KCNB2: variants seen among roughly 807,000 people sequenced by gnomAD.
The protein encoded by KCNB2 is potassium voltage-gated channel subfamily B member 2.
In KCNB2, 15 loss-of-function variants were observed where a neutral mutation model predicts 61.5. That is an observed-to-expected ratio of 0.24 (90% confidence interval 0.16 to 0.38). The LOEUF (loss-of-function observed/expected upper bound fraction) is 0.38, where lower values mean the gene tolerates loss of function less well. Ranked by LOEUF, KCNB2 falls within the 10% of genes least tolerant of loss-of-function variation. The probability of loss-of-function intolerance (pLI) is 1.00; values close to 1 mark genes in which losing one functional copy is unlikely to be tolerated. For synonymous variants in KCNB2, 457 were observed against 446.0 expected, an observed-to-expected ratio of 1.02 and a Z score of -0.31; for missense variants, 828 against 1,125.2, an observed-to-expected ratio of 0.74 and a Z score of 3.78.
intron 2 of KCNB2, among the ~76,000 whole-genome samples, chr8:72,826,937 A>G (rs1015318472): frequency 1.3e-5 from 2 of 152,196 alleles, no homozygotes; most frequent in African/African-American, 4.8e-5. Flanking sequence ...TTTTGCTTCT[A>G]AGTTTTCTGC....
In KCNB2 at chr8:72,551,492, A is replaced by C. The variant is rs547654003; in HGVS notation, c.-94+13607A>C. Among the ~76,000 whole-genome samples, 6 of 152,210 alleles carry C rather than the reference A, an allele frequency of 3.9e-5. No individual in the cohort carries two copies. In the South Asian group the frequency reaches 1.2e-3, roughly 32 times the overall value. On this transcript the variant is annotated intron_variant, in intron 1 of 2. Coordinates refer to ENST00000523207, the MANE Select transcript of KCNB2 (RefSeq NM_004770.3). ...ACAATTTCTGGCTTTATTTTAGTTCATCTGAAGTGCCCTGGGCTTTCTTGC... is the reference window on the plus strand; with the variant it reads ...ACAATTTCTGGCTTTATTTTAGTTCCTCTGAAGTGCCCTGGGCTTTCTTGC...
At chr8:72,684,892 T>C (rs764978260) in intron 2 of KCNB2, among the ~76,000 whole-genome samples, 83 of 152,338 alleles carry the variant, frequency 5.4e-4, no homozygotes, top group Non-Finnish European at 1.1e-3. Context: ...GTGTCAATTT[T>C]ATTGTGCTTC....
chr8:72,874,434 C>G (rs6983853), intron 2 of KCNB2, among the ~76,000 whole-genome samples: 4,087 of 152,190 alleles, frequency 0.027, 166 homozygotes, highest in African/African-American at 0.088. Flanking sequence ...TCTGGACAGT[C>G]AGTGAGTCTG....
At position 72,937,522 on chromosome 8, in the gene KCNB2, A is replaced by G; in HGVS notation, c.2167A>G (p.Arg723Gly). 1 of 1,613,938 alleles carries G rather than the reference A, an allele frequency of 6.2e-7. No homozygotes were observed. Among genetic ancestry groups the G allele is most frequent in the African/African-American group, 1.3e-5 (1 of 75,000 alleles). ...CCTCAAAGTGAACTTTAAGGAAAAT[A>G]GAGGCAGTGCACCACAGACCCCGCC... ...RSLKVNFKEN[R>G]GSAPQTPPST... The change falls in exon 3 of 3, where the codon AGA (arginine) becomes GGA (glycine). Residue 723 changes from arginine (R) to glycine (G), a missense_variant. Physicochemically the swap from Arg to Gly is moderately radical, Grantham distance 125. Coordinates refer to ENST00000523207, the MANE Select transcript of KCNB2 (RefSeq NM_004770.3).
intron 2 of KCNB2, among the ~76,000 whole-genome samples, chr8:72,595,466 C>T (rs1185951492): frequency 2.6e-5 from 4 of 151,920 alleles, no homozygotes; most frequent in African/African-American, 9.7e-5. Context: ...GCTGGGACTA[C>T]AGGCATGTGC....
At chr8:72,829,395 T>C (rs560698085) in intron 2 of KCNB2, among the ~76,000 whole-genome samples, 1 of 152,318 alleles carries the variant, frequency 6.6e-6, no homozygotes, top group South Asian at 2.1e-4. Flanking sequence ...TGAATGGAAA[T>C]CTACTAATAT....
intron 2 of KCNB2, among the ~76,000 whole-genome samples, chr8:72,588,767 C>G (rs1232624667): frequency 6.6e-6 from 1 of 151,896 alleles, no homozygotes; most frequent in Non-Finnish European, 1.5e-5. Flanking sequence ...AAAAATTAGC[C>G]AGGCTGTAGT....
intron 2 of KCNB2, among the ~76,000 whole-genome samples, chr8:72,662,141 TC>T (rs1175518096): frequency 2.0e-4 from 30 of 152,158 alleles, no homozygotes; most frequent in African/African-American, 7.0e-4. Flanking sequence ...GTGCCACCAC[TC>T]CCATAGCAAT....
At chr8:72,923,672 G>T (rs1357624314) in intron 2 of KCNB2, among the ~76,000 whole-genome samples, 2 of 151,848 alleles carry the variant, frequency 1.3e-5, no homozygotes, top group Admixed American at 6.6e-5. Context: ...TTGGTTTACA[G>T]ACTATACATT....
chr8:72,680,694 T>A (rs16938309), intron 2 of KCNB2, among the ~76,000 whole-genome samples: 4,062 of 152,272 alleles, frequency 0.027, 71 homozygotes, highest in South Asian at 0.074. Flanking sequence ...GTCATACTGA[T>A]GACTAATGAG....
intron 2 of KCNB2, among the ~76,000 whole-genome samples, chr8:72,845,427 G>A (rs13276698): frequency 0.18 from 27,867 of 152,248 alleles, 3,160 homozygotes; most frequent in Non-Finnish European, 0.26. Context: ...AGGGACCCAT[G>A]TGAGGAGACA....
intron 2 of KCNB2, among the ~76,000 whole-genome samples, chr8:72,863,873 A>G (rs977857255): frequency 1.3e-5 from 2 of 152,102 alleles, no homozygotes; most frequent in Non-Finnish European, 2.9e-5. Context: ...GTGTGGTGGC[A>G]TGTGCCTATG....
intron 2 of KCNB2, among the ~76,000 whole-genome samples, chr8:72,763,816 T>C (rs751026846): frequency 5.3e-5 from 8 of 152,062 alleles, no homozygotes; most frequent in Non-Finnish European, 8.8e-5. Context: ...ACAATAAGTA[T>C]TATTGTAAAG....
chr8:72,677,689 CT>C (rs1311369406), intron 2 of KCNB2, among the ~76,000 whole-genome samples: 1 of 152,142 alleles, frequency 6.6e-6, no homozygotes, highest in African/African-American at 2.4e-5. Flanking sequence ...CTTTGTGCTT[CT>C]CATAACTCAT....
At chr8:72,701,929 T>C (rs987221326) in intron 2 of KCNB2, among the ~76,000 whole-genome samples, 2 of 152,236 alleles carry the variant, frequency 1.3e-5, no homozygotes, top group East Asian at 3.8e-4. Flanking sequence ...TTGAACATCA[T>C]GTATGTTATC....
intron 1 of KCNB2, among the ~76,000 whole-genome samples, chr8:72,544,034 A>C (rs1806226668): frequency 6.6e-6 from 1 of 152,222 alleles, no homozygotes. Context: ...GCACAATTTG[A>C]TGATTTAATT....
At chr8:72,706,447 C>T (rs1807225470) in intron 2 of KCNB2, among the ~76,000 whole-genome samples, 1 of 152,072 alleles carries the variant, frequency 6.6e-6, no homozygotes, top group Admixed American at 6.5e-5. Context: ...AAATAAAATG[C>T]CTTTTCTTTA....
chr8:72,613,790 A>G (rs902911020), intron 2 of KCNB2, among the ~76,000 whole-genome samples: 1 of 152,246 alleles, frequency 6.6e-6, no homozygotes, highest in African/African-American at 2.4e-5. Flanking sequence ...TTCAATTAGC[A>G]GAGTTCCTTT....
chr8:72,756,916 G>A (rs1808299670), intron 2 of KCNB2, among the ~76,000 whole-genome samples: 1 of 152,156 alleles, frequency 6.6e-6, no homozygotes, highest in African/African-American at 2.4e-5. Context: ...GAGGAAAATA[G>A]TTTTGGTTGT....
Sources: gnomAD v4.1 joint callset for allele counts (sites outside exome capture counted in the v4.1 genomes callset) on GRCh38, gnomAD v4.1.1 for gene constraint, MANE v1.5 for transcripts, NCBI Gene and HGNC (gene_info 2026-07-23, HGNC 2026-07-21) for gene names.